LDB2: variants seen among roughly 807,000 people sequenced by gnomAD.
The protein encoded by LDB2 is LIM domain binding 2, also known as LIM domain-binding protein 2.
In LDB2, 12 loss-of-function variants were observed where a neutral mutation model predicts 44.3. That is an observed-to-expected ratio of 0.27 (90% CI 0.17 to 0.44). LDB2 has a LOEUF of 0.44. LDB2 is among the 20% of genes least tolerant of loss of function. The pLI, the probability that LDB2 is intolerant of heterozygous loss-of-function variation, is 1.00. For synonymous variants in LDB2, 164 were observed against 174.8 expected (o/e 0.94, Z 0.49); for missense variants, 344 against 473.5 (o/e 0.73, Z 2.54).
At chr4:16,735,178 C>G (rs1274470391) in intron 2 of LDB2, among the ~76,000 whole-genome samples, 1 of 152,200 alleles carries the variant, frequency 6.6e-6, no homozygotes, top group Non-Finnish European at 1.5e-5. Context: ...ATTGGGGCCT[C>G]CTGCCCCTCG....
intron 2 of LDB2, among the ~76,000 whole-genome samples, chr4:16,707,671 CT>C (rs1247666853): frequency 5.0e-4 from 73 of 146,492 alleles, no homozygotes; most frequent in Middle Eastern, 3.5e-3. Context: ...TTACACCTGT[CT>C]TTTTTTTTTT....
intron 1 of LDB2, among the ~76,000 whole-genome samples, chr4:16,791,186 T>G (rs1269229249): frequency 6.6e-6 from 1 of 152,152 alleles, no homozygotes; most frequent in African/African-American, 2.4e-5. Context: ...TTTGCTTAGT[T>G]TTCATATTTG....
At chr4:16,571,100 G>A (rs1047688344) in intron 5 of LDB2, among the ~76,000 whole-genome samples, 3 of 152,204 alleles carry the variant, frequency 2.0e-5, no homozygotes, top group African/African-American at 7.2e-5. Flanking sequence ...AGGAGATGAA[G>A]TTGGAGAGGC....
At chr4:16,868,876 T>C (rs1156439357) in intron 1 of LDB2, among the ~76,000 whole-genome samples, 2 of 152,008 alleles carry the variant, frequency 1.3e-5, no homozygotes, top group Non-Finnish European at 2.9e-5. Context: ...TGACAATGAT[T>C]TTGGTGATGA....
intron 2 of LDB2, among the ~76,000 whole-genome samples, chr4:16,742,803 C>T (rs1763580979): frequency 6.6e-6 from 1 of 152,164 alleles, no homozygotes; most frequent in Non-Finnish European, 1.5e-5. Context: ...CAAAAGCATT[C>T]ACCATTTTCC....
At chr4:16,643,768 A>G (rs1735873536) in intron 2 of LDB2, among the ~76,000 whole-genome samples, 1 of 152,214 alleles carries the variant, frequency 6.6e-6, no homozygotes, top group South Asian at 2.1e-4. Context: ...AAATAAAAAA[A>G]AAACCCTGCC....
At chr4:16,665,300 C>G (rs374466291) in intron 2 of LDB2, among the ~76,000 whole-genome samples, 1 of 129,048 alleles carries the variant, frequency 7.7e-6, no homozygotes, top group Admixed American at 9.3e-5. Flanking sequence ...GAGTCTCACT[C>G]TGTCACCCAG....
intron 2 of LDB2, among the ~76,000 whole-genome samples, chr4:16,692,248 T>C (rs1401575211): frequency 6.6e-6 from 1 of 152,190 alleles, no homozygotes; most frequent in Non-Finnish European, 1.5e-5. Context: ...GAAGTACAAG[T>C]TGGATATACA....
chr4:16,629,992 G>A (rs1206298249), intron 2 of LDB2, among the ~76,000 whole-genome samples: 1 of 152,116 alleles, frequency 6.6e-6, no homozygotes, highest in Non-Finnish European at 1.5e-5. Flanking sequence ...AGGGAGAATG[G>A]AACCAACTTG....
chr4:16,669,925 G>T (rs560687175), intron 2 of LDB2, among the ~76,000 whole-genome samples: 1 of 152,290 alleles, frequency 6.6e-6, no homozygotes, highest in East Asian at 1.9e-4. Context: ...CTGGTCCCTT[G>T]CCTGGTTTTA....
intron 2 of LDB2, among the ~76,000 whole-genome samples, chr4:16,677,087 G>T (rs1746541004): frequency 6.6e-6 from 1 of 152,218 alleles, no homozygotes; most frequent in African/African-American, 2.4e-5. Context: ...GTTAAGTGGG[G>T]AGAGAATAGC....
At chr4:16,740,425 C>T (rs533855782) in intron 2 of LDB2, among the ~76,000 whole-genome samples, 34 of 152,340 alleles carry the variant, frequency 2.2e-4, no homozygotes, top group African/African-American at 6.7e-4. Context: ...TTAGCTACAT[C>T]GCACATCTTT....
In LDB2 at chr4:16,898,350, T is replaced by C. The variant is rs1208165088; in HGVS notation, c.132+4A>G. 6.2e-7 allele frequency: 1 copy of C among 1,612,990 alleles called. No homozygotes were observed. Among genetic ancestry groups the C allele is most frequent in the Non-Finnish European group, 8.5e-7 (1 of 1,179,322 alleles). ...AAACACATCCCCAAGGTTGAAGTAC[T>C]TACCTCTGTGCGAGACTGCAGTCTC... On this transcript the variant is annotated splice_donor_region_variant and intron_variant, in intron 1 of 7. Coordinates refer to ENST00000304523, the MANE Select transcript of LDB2 (RefSeq NM_001290.5).
chr4:16,524,155 A>G (rs1727318430), intron 5 of LDB2, among the ~76,000 whole-genome samples: 1 of 152,336 alleles, frequency 6.6e-6, no homozygotes, highest in East Asian at 1.9e-4. Flanking sequence ...AACCTGGGGC[A>G]CATTATTCAA....
intron 5 of LDB2, among the ~76,000 whole-genome samples, chr4:16,546,566 A>G (rs1468612859): frequency 3.3e-5 from 5 of 152,198 alleles, no homozygotes; most frequent in Admixed American, 6.5e-5. Context: ...GCTATTGTGC[A>G]TACTGCCACT....
At chr4:16,573,679 G>A (rs922785093) in intron 5 of LDB2, among the ~76,000 whole-genome samples, 1 of 152,162 alleles carries the variant, frequency 6.6e-6, no homozygotes, top group Non-Finnish European at 1.5e-5. Flanking sequence ...ATTTTCTGGT[G>A]TGGCTTCTGC....
chr4:16,595,572 T>G (rs1720634659), intron 3 of LDB2, 131 bp downstream of exon 3: 2 of 723,346 alleles, frequency 2.8e-6, no homozygotes, highest in East Asian at 5.3e-5. Context: ...ACAAGAAAGA[T>G]TCTCTCATGG....
intron 5 of LDB2, among the ~76,000 whole-genome samples, chr4:16,512,691 C>T (rs1476206583): frequency 6.6e-6 from 1 of 152,186 alleles, no homozygotes; most frequent in Non-Finnish European, 1.5e-5. Flanking sequence ...TATTCATGTA[C>T]TCATCTGTAT....
At chr4:16,644,635 G>A (rs1056225907) in intron 2 of LDB2, among the ~76,000 whole-genome samples, 14 of 152,088 alleles carry the variant, frequency 9.2e-5, no homozygotes, top group African/African-American at 3.4e-4. Context: ...TCACCATGTT[G>A]GCCAGGCTAG....
Sources: allele counts gnomAD v4.1 joint callset (sites outside exome capture counted in the v4.1 genomes callset), GRCh38; gene constraint gnomAD v4.1.1; transcripts MANE v1.5; gene names NCBI Gene and HGNC (gene_info 2026-07-23, HGNC 2026-07-21).